SMAP1: variants seen among roughly 807,000 people sequenced by gnomAD.
SMAP1 encodes small ArfGAP 1.
SMAP1 carries 24 observed loss-of-function variants against 58.5 expected under a neutral mutation model. That is an observed-to-expected ratio of 0.41 (90% confidence interval 0.30 to 0.58). The LOEUF (loss-of-function observed/expected upper bound fraction) is 0.58. SMAP1 is among the 20% of genes least tolerant of loss of function. The pLI is 0.29. For synonymous variants in SMAP1, 216 were observed against 196.6 expected, an observed-to-expected ratio of 1.10 and a Z score of -0.82; for missense variants, 563 against 566.3, an observed-to-expected ratio of 0.99 and a Z score of 0.06.
intron 4 of SMAP1, among the ~76,000 whole-genome samples, chr6:70,788,426 T>C (rs1335873738): frequency 6.6e-6 from 1 of 151,842 alleles, no homozygotes; most frequent in Non-Finnish European, 1.5e-5. Flanking sequence ...ATTGTGCGCA[T>C]GTACCCTACA....
At chr6:70,699,982 G>T (rs1365309923) in intron 1 of SMAP1, among the ~76,000 whole-genome samples, 4 of 151,840 alleles carry the variant, frequency 2.6e-5, no homozygotes, top group Admixed American at 2.6e-4. Flanking sequence ...ATATGGTTTG[G>T]GTATTTGTCA....
At chr6:70,816,966 T>C (rs1175655749) in intron 6 of SMAP1, among the ~76,000 whole-genome samples, 3 of 151,996 alleles carry the variant, frequency 2.0e-5, no homozygotes, top group African/African-American at 7.2e-5. Context: ...AGCAAATGTC[T>C]ATTTCGGATA....
At chr6:70,833,674 A>G (rs1032894423) in intron 6 of SMAP1, among the ~76,000 whole-genome samples, 2 of 152,184 alleles carry the variant, frequency 1.3e-5, no homozygotes, top group Non-Finnish European at 1.5e-5. Context: ...ATTTTACATT[A>G]TGATCCAGAT....
rs944281300 is a variant in SMAP1 at position 70,739,099 on chromosome 6, A to G, written c.252+6588A>G. On this transcript the variant is annotated intron_variant, in intron 2 of 10. Coordinates refer to ENST00000370455, the MANE Select transcript of SMAP1 (RefSeq NM_001044305.3). ...GAATATTGATAGGCAGTCAAAATTT[A>G]AATTTTACATGAGATGTGCAAGTTT... 1.3e-5 allele frequency among the ~76,000 whole-genome samples: 2 copies of G among 152,216 alleles called. 1 individual carries two copies. Among genetic ancestry groups the G allele is most frequent in the African/African-American group, 4.8e-5 (2 of 41,466 alleles).
At chr6:70,806,759 G>A (rs904011360) in intron 6 of SMAP1, among the ~76,000 whole-genome samples, 1 of 152,148 alleles carries the variant, frequency 6.6e-6, no homozygotes, top group East Asian at 1.9e-4. Context: ...CATAGTAATA[G>A]CTTAATAAGC....
chr6:70,760,094 C>G (rs887272587), intron 3 of SMAP1, among the ~76,000 whole-genome samples: 12 of 151,972 alleles, frequency 7.9e-5, no homozygotes, highest in Non-Finnish European at 1.6e-4. Context: ...TGATGGTAGT[C>G]TGAGTAAAAT....
At chr6:70,668,256 C>A in intron 1 of SMAP1, 115 bp downstream of exon 1, 1 of 988,718 alleles carries the variant, frequency 1.0e-6, no homozygotes, top group Non-Finnish European at 1.5e-6. Flanking sequence ...CCGGCTCCTG[C>A]CCTGACTGGA....
rs1771498511 is a variant in SMAP1 at position 70,857,841 on chromosome 6, G to A, written c.962-81G>A. 3.3e-6 allele frequency: 5 copies of A among 1,499,610 alleles called. No individual in the cohort carries two copies. In the East Asian group the frequency reaches 1.1e-4, roughly 34 times the overall value. 92.9% of individuals were successfully genotyped at this position (1,499,610 alleles called of 1,614,324 possible). A position where few individuals can be genotyped will look rare whatever the true frequency, so the allele number is the denominator to read the frequency against. ...ATGTTTGCTGTGAGTAGTTCAGAAA[G>A]GCAATTTTTCTGTGATTATAGAGAT... is the stretch of plus-strand genomic sequence containing the variant. On this transcript the variant is annotated intron_variant, in intron 9 of 10. Coordinates refer to ENST00000370455, the MANE Select transcript of SMAP1 (RefSeq NM_001044305.3).
chr6:70,803,134 C>T (rs1186953312), intron 6 of SMAP1, among the ~76,000 whole-genome samples: 5 of 152,138 alleles, frequency 3.3e-5, no homozygotes, highest in Admixed American at 2.6e-4. Context: ...TCTGTCTGGT[C>T]CTGGACTTTT....
chr6:70,747,132 G>T (rs867454281), intron 2 of SMAP1, among the ~76,000 whole-genome samples: 2 of 152,276 alleles, frequency 1.3e-5, no homozygotes, highest in South Asian at 4.2e-4. Flanking sequence ...TGTAGAACTG[G>T]GTTCTGCTTC....
At chr6:70,807,796 C>A (rs1329504508) in intron 6 of SMAP1, among the ~76,000 whole-genome samples, 1 of 152,078 alleles carries the variant, frequency 6.6e-6, no homozygotes, top group Non-Finnish European at 1.5e-5. Flanking sequence ...ACAGGTGACA[C>A]TAGAACAGTG....
chr6:70,717,652 T>C (rs1174893872), intron 1 of SMAP1, among the ~76,000 whole-genome samples: 1 of 152,238 alleles, frequency 6.6e-6, no homozygotes, highest in Non-Finnish European at 1.5e-5. Flanking sequence ...TCAGTACTTC[T>C]GTGGGAGGAA....
chr6:70,802,009 G>C (rs190231483), intron 6 of SMAP1, among the ~76,000 whole-genome samples: 1 of 152,226 alleles, frequency 6.6e-6, no homozygotes, highest in East Asian at 1.9e-4. Context: ...CTCTTTTTTG[G>C]TTCCATATGA....
At chr6:70,808,519 A>G (rs908677227) in intron 6 of SMAP1, among the ~76,000 whole-genome samples, 2 of 152,328 alleles carry the variant, frequency 1.3e-5, no homozygotes, top group East Asian at 1.9e-4. Context: ...GGTCAGGTGG[A>G]GAGCCAGGCT....
At chr6:70,668,864 T>C (rs565866635) in intron 1 of SMAP1, 1 of 961,614 alleles carries the variant, frequency 1.0e-6, no homozygotes, top group East Asian at 2.7e-5. Flanking sequence ...TTCTGAAGAT[T>C]TTAGTAATTA....
intron 7 of SMAP1, among the ~76,000 whole-genome samples, chr6:70,845,249 A>G (rs1770945446): frequency 1.3e-5 from 2 of 152,206 alleles, no homozygotes; most frequent in South Asian, 2.1e-4. Context: ...GATGAATTCA[A>G]TTAATATTTA....
intron 10 of SMAP1, chr6:70,859,572 G>T: frequency 2.2e-6 from 1 of 463,728 alleles, no homozygotes; most frequent in African/African-American, 2.0e-5. Flanking sequence ...CTCACTATAT[G>T]GTAAATCTTG....
At chr6:70,718,599 A>G (rs1192244854) in intron 1 of SMAP1, among the ~76,000 whole-genome samples, 3 of 152,282 alleles carry the variant, frequency 2.0e-5, no homozygotes, top group Admixed American at 6.5e-5. Flanking sequence ...AGGCGGGTGA[A>G]TCACAAGGTC....
chr6:70,736,463 A>T (rs953433585), intron 2 of SMAP1, among the ~76,000 whole-genome samples: 2 of 152,100 alleles, frequency 1.3e-5, no homozygotes, highest in African/African-American at 4.8e-5. Flanking sequence ...CTGTTGTTTT[A>T]TAGCAGTATC....
Sources: gnomAD v4.1 joint callset for allele counts (sites outside exome capture counted in the v4.1 genomes callset) on GRCh38, gnomAD v4.1.1 for gene constraint, MANE v1.5 for transcripts, NCBI Gene and HGNC (gene_info 2026-07-23, HGNC 2026-07-21) for gene names.